Variants in RDH13 observed in about 807,000 individuals in gnomAD.
RDH13 encodes the protein retinol dehydrogenase 13 (all-trans and 9-cis).
In RDH13, 35 loss-of-function variants were observed where a neutral mutation model predicts 28.3. That is an observed-to-expected ratio of 1.24 (90% CI 0.95 to 1.64). The LOEUF is 1.64. Among genes scored for constraint, RDH13 ranks in the 40% most tolerant of loss-of-function variants. RDH13 has a pLI of 0.00. For synonymous variants in RDH13, 229 were observed against 198.5 expected (o/e 1.15, Z -1.29); for missense variants, 514 against 446.3 (o/e 1.15, Z -1.37).
intron 1 of RDH13, among the ~76,000 whole-genome samples, chr19:55,062,065 C>T (rs989269983): frequency 6.6e-6 from 1 of 151,400 alleles, no homozygotes; most frequent in Non-Finnish European, 1.5e-5. Flanking sequence ...TGTGGTGAGC[C>T]GAGGTCGTGC....
chr19:55,046,995 G>C, intron 6 of RDH13: 3 of 368,446 alleles, frequency 8.1e-6, no homozygotes, highest in Non-Finnish European at 1.2e-5. Flanking sequence ...CCCAGTGACT[G>C]TGAGGTGAGT....
chr19:55,043,173 G>A (rs148905617), downstream of RDH13: 587 of 152,432 alleles, frequency 3.9e-3, no homozygotes, highest in Non-Finnish European at 5.6e-3. Context: ...AGGCCATGGC[G>A]GAAGGGTCAC....
chr19:55,041,423 C>T (rs2075026605), downstream of RDH13: 1 of 152,296 alleles, frequency 6.6e-6, no homozygotes, highest in Non-Finnish European at 1.5e-5. Context: ...CAGGACGGCC[C>T]CGCCCAGGCG....
chr19:55,048,123 T>C (rs1354876128), intron 5 of RDH13: 1 of 1,530,556 alleles, frequency 6.5e-7, no homozygotes, highest in East Asian at 2.5e-5. Flanking sequence ...CTAGACCACC[T>C]GGGATGAACA....
intron 2 of RDH13, among the ~76,000 whole-genome samples, chr19:55,058,757 T>C (rs2075716966): frequency 6.6e-6 from 1 of 152,194 alleles, no homozygotes; most frequent in South Asian, 2.1e-4. Context: ...CTCTGCTCAC[T>C]GCAACCCCTG....
At chr19:55,056,485 G>T (rs1014260266) in intron 3 of RDH13, among the ~76,000 whole-genome samples, 168 bp downstream of exon 3, 1 of 86,774 alleles carries the variant, frequency 1.2e-5, no homozygotes, top group East Asian at 4.2e-4. Context: ...AATAAATAAA[G>T]TCGTTGCTTG....
chr19:55,065,049 T>C (rs1206741313), upstream of RDH13, among the ~76,000 whole-genome samples: 2 of 150,906 alleles, frequency 1.3e-5, no homozygotes, highest in East Asian at 4.0e-4. Context: ...ATGGTTAAGA[T>C]GGTACATTTT....
chr19:55,059,067 G>A lies in RDH13; in HGVS notation c.184+90C>T, dbSNP rs1486031994. On this transcript the variant is annotated intron_variant, in intron 2 of 6. Coordinates refer to ENST00000415061, the MANE Select transcript of RDH13 (RefSeq NM_001145971.2). ...CTGTTCATCTGTGGATGGGTGCCTG[G>A]GTTCCTTCCACCTCCGGACTGTGAA... 3 of 808,288 alleles carry A rather than the reference G, an allele frequency of 3.7e-6. No individual in the cohort carries two copies. In the African/African-American group the frequency reaches 5.1e-5, roughly 14 times the overall value. The allele number at this position is 808,288 out of a possible 1,614,324, so 50.1% of individuals were successfully genotyped here. A position where few individuals can be genotyped will look rare whatever the true frequency, so the allele number is the denominator to read the frequency against.
chr19:55,044,923 C>T lies in RDH13; in HGVS notation c.*151G>A, dbSNP rs995480344. 14 of 612,794 alleles carry T rather than the reference C, an allele frequency of 2.3e-5. No individual in the cohort carries two copies. The highest frequency in any genetic ancestry group is 8.4e-5 in the East Asian group (3 of 35,896). The allele number at this position is 612,794 out of a possible 1,614,324, so 38.0% of individuals were successfully genotyped here. A position where few individuals can be genotyped will look rare whatever the true frequency, so the allele number is the denominator to read the frequency against. On this transcript the variant is annotated 3_prime_UTR_variant, in exon 7 of 7. Transcript: ENST00000415061. ...TGCTCACCTGCAGGCCAGTCCACTG[C>T]GGCCAGCACCGCCCCCTAGAACCTA... is the stretch of plus-strand genomic sequence containing the variant.
intron 4 of RDH13, 49 bp from the exon 5 acceptor site, chr19:55,048,590 C>T: frequency 6.2e-7 from 1 of 1,611,698 alleles, no homozygotes; most frequent in Non-Finnish European, 8.5e-7. Flanking sequence ...ACCTAAAATC[C>T]CAGCACTTTG....
rs1367957494 is a variant in RDH13, at chr19:55,062,980, G to A, written c.53C>T (p.Ala18Val). The A allele has an allele frequency of 6.8e-7, 1 of 1,478,048 alleles. No individual in the cohort carries two copies. The highest frequency in any genetic ancestry group is 1.3e-5 in the South Asian group (1 of 74,886). 91.6% of individuals were successfully genotyped at this position (1,478,048 alleles called of 1,614,324 possible). The change falls in exon 1 of 7, where the codon GCC (alanine) becomes GTC (valine). Residue 18 changes from alanine to valine, a missense_variant. Physicochemically the swap from Ala to Val is moderately conservative, Grantham distance 64. Coordinates refer to ENST00000415061, the MANE Select transcript of RDH13 (RefSeq NM_001145971.2). ...LSALGTVAGA[A>V]VLLKDYVTGG... ...AGAATGTACTCACTTGAGCAGCACG[G>A]CGGCGCCTGCTACCGTGCCCAGCGC...
At chr19:55,062,151 G>T (rs1175714073) in intron 1 of RDH13, among the ~76,000 whole-genome samples, 1 of 151,654 alleles carries the variant, frequency 6.6e-6, no homozygotes, top group Non-Finnish European at 1.5e-5. Flanking sequence ...TAACACATCA[G>T]CGAGAACCTC....
chr19:55,049,104 C>A (rs907199207), intron 3 of RDH13, among the ~76,000 whole-genome samples: 2 of 152,194 alleles, frequency 1.3e-5, no homozygotes, highest in African/African-American at 2.4e-5. Flanking sequence ...TCACAGGTCA[C>A]AGCCACAGGG....
intron 2 of RDH13, 113 bp from the exon 3 acceptor site, chr19:55,056,921 G>C (rs571252814): frequency 1.1e-6 from 1 of 941,046 alleles, no homozygotes; most frequent in African/African-American, 1.7e-5. Flanking sequence ...TGTTCACTGC[G>C]GCATTCTTCA....
rs114935525 is a variant in RDH13 at position 55,047,654 on chromosome 19, G to A, written c.659-166C>T. On this transcript the variant is annotated intron_variant, in intron 5 of 6. Transcript: ENST00000415061. ...TCTTAGTGAAGTGGTCTTATCTTGC[G>A]GAGCGGCTCTGCCACATGGCTGCTG... Among the ~76,000 whole-genome samples, 1,143 of 152,234 alleles carry A rather than the reference G, an allele frequency of 7.5e-3. 15 individuals are homozygous for A. Among genetic ancestry groups the A allele is most frequent in the African/African-American group, 0.025 (1,039 of 41,536 alleles).
At chr19:55,052,806 G>A (rs1053903695) in intron 3 of RDH13, among the ~76,000 whole-genome samples, 1 of 151,734 alleles carries the variant, frequency 6.6e-6, no homozygotes, top group African/African-American at 2.4e-5. Flanking sequence ...GGTTACAGGT[G>A]CCCGCCACCA....
In RDH13 at chr19:55,045,245, G is replaced by T; in HGVS notation, c.825C>A (p.Ala275=). 2.5e-6 allele frequency: 4 copies of T among 1,613,364 alleles called. No homozygotes were observed. In the South Asian group the frequency reaches 4.4e-5, roughly 18 times the overall value. Residue 275 remains alanine (A), a synonymous_variant, in exon 7 of 7, where the codon GCC becomes GCA. Transcript: ENST00000415061. ...AAACATCCGCCAGTTCCTCCGCCAC[G>T]GCCAGGTATGTGCTGGGCTGGGCGG... ...ELAAQPSTYL[A]VAEELADVSG...
chr19:55,057,968 G>C (rs1438527085), intron 2 of RDH13, among the ~76,000 whole-genome samples: 1 of 151,718 alleles, frequency 6.6e-6, no homozygotes, highest in Non-Finnish European at 1.5e-5. Flanking sequence ...AGAGATGGGG[G>C]TGTTGCTATG....
chr19:55,052,206 G>A (rs1385957082), intron 3 of RDH13, among the ~76,000 whole-genome samples: 2 of 150,510 alleles, frequency 1.3e-5, no homozygotes, highest in African/African-American at 4.9e-5. Context: ...ATCACCTGAG[G>A]TCAACCAGCC....
Sources: gnomAD v4.1 joint callset for allele counts (sites outside exome capture counted in the v4.1 genomes callset) on GRCh38, gnomAD v4.1.1 for gene constraint, MANE v1.5 for transcripts, NCBI Gene and HGNC (gene_info 2026-07-23, HGNC 2026-07-21) for gene names.